Variants in NMNAT3 observed in about 807,000 individuals in gnomAD.
NMNAT3 encodes the protein nicotinamide nucleotide adenylyltransferase 3.
NMNAT3 carries 21 observed loss-of-function variants against 24.8 expected under a neutral mutation model. The observed-to-expected ratio is 0.85, with a 90% CI of 0.60 to 1.22. The LOEUF is 1.22. Among genes scored for constraint, NMNAT3 ranks in the 50% most tolerant of loss-of-function variants. NMNAT3 has a pLI of 0.00. For missense variants in NMNAT3, 387 were observed against 436.6 expected, an observed-to-expected ratio of 0.89 and a Z score of 1.01; for synonymous variants, 136 against 155.2, an observed-to-expected ratio of 0.88 and a Z score of 0.92.
intron 3 of NMNAT3, among the ~76,000 whole-genome samples, chr3:139,601,408 A>G (rs1318228146): frequency 6.6e-6 from 1 of 152,192 alleles, no homozygotes; most frequent in Non-Finnish European, 1.5e-5. Context: ...AGAATAAATA[A>G]TACCACACAC....
chr3:139,661,202 G>A (rs17495868), intron 1 of NMNAT3, among the ~76,000 whole-genome samples: 21 of 152,140 alleles, frequency 1.4e-4, no homozygotes, highest in African/African-American at 1.9e-4. Flanking sequence ...GCAACGGGGC[G>A]AACTCAGAAT....
intron 3 of NMNAT3, among the ~76,000 whole-genome samples, chr3:139,618,324 G>A (rs1012572635): frequency 4.6e-5 from 7 of 152,164 alleles, no homozygotes; most frequent in African/African-American, 1.7e-4. Flanking sequence ...CTCATAAAGA[G>A]GTGTGTTATC....
At chr3:139,578,798 A>C (rs1939704664) in intron 5 of NMNAT3, 74 bp downstream of exon 5, 3 of 1,373,548 alleles carry the variant, frequency 2.2e-6, no homozygotes, top group Non-Finnish European at 3.0e-6. Context: ...AATCTGCCCT[A>C]CCTTTTACCC....
intron 1 of NMNAT3, among the ~76,000 whole-genome samples, chr3:139,653,504 G>C (rs983522447): frequency 4.6e-5 from 7 of 152,136 alleles, no homozygotes; most frequent in African/African-American, 1.7e-4. Flanking sequence ...ATTTAATAAA[G>C]TTATTTGACT....
At chr3:139,591,670 C>A (rs924989309) in intron 3 of NMNAT3, among the ~76,000 whole-genome samples, 1 of 139,002 alleles carries the variant, frequency 7.2e-6, no homozygotes, top group Non-Finnish European at 1.6e-5. Flanking sequence ...CCCTGACCCC[C>A]GAGCAGCCTA....
chr3:139,627,678 T>A lies in NMNAT3; in HGVS notation c.47A>T (p.Asn16Ile), dbSNP rs1427087203. 1.3e-6 allele frequency: 2 copies of A among 1,596,230 alleles called. No homozygotes were observed. Among genetic ancestry groups the A allele is most frequent in the Non-Finnish European group, 1.7e-6 (2 of 1,178,558 alleles). The change falls in exon 3 of 7, where the codon AAC (asparagine) becomes ATC (isoleucine). Residue 16 changes from asparagine (N) to isoleucine (I), a missense_variant. Physicochemically the swap from Asn to Ile is moderately radical, Grantham distance 149. Coordinates refer to ENST00000643695, the MANE Select transcript of NMNAT3 (RefSeq NM_001320510.2). Reference sequence around the variant, plus strand: ...GCGCAGGTGCATGTTGGTGATGGGGTTAAAGGAGCCACAGGCCAGGAGCAC... The same window carrying A: ...GCGCAGGTGCATGTTGGTGATGGGGATAAAGGAGCCACAGGCCAGGAGCAC...
At chr3:139,625,576 C>T (rs1287647084) in intron 3 of NMNAT3, among the ~76,000 whole-genome samples, 1 of 152,110 alleles carries the variant, frequency 6.6e-6, no homozygotes, top group Non-Finnish European at 1.5e-5. Flanking sequence ...ATGTATACTT[C>T]CCTTTTACCC....
chr3:139,644,672 G>A (rs1256721352), intron 1 of NMNAT3, among the ~76,000 whole-genome samples: 1 of 152,156 alleles, frequency 6.6e-6, no homozygotes, highest in African/African-American at 2.4e-5. Context: ...AAATTAAAAT[G>A]GGACATAATT....
intron 1 of NMNAT3, among the ~76,000 whole-genome samples, chr3:139,648,744 C>G (rs767630401): frequency 1.2e-4 from 19 of 152,200 alleles, no homozygotes; most frequent in Non-Finnish European, 1.9e-4. Context: ...ACCCCACTGT[C>G]TACCAACAAG....
intron 6 of NMNAT3, among the ~76,000 whole-genome samples, chr3:139,563,861 C>A (rs454481): frequency 0.33 from 50,309 of 152,090 alleles, 10,199 homozygotes; most frequent in South Asian, 0.63. Context: ...AATACGATTT[C>A]TCCTAACAGT....
At chr3:139,670,175 C>T (rs571556142) in intron 1 of NMNAT3, among the ~76,000 whole-genome samples, 11 of 152,304 alleles carry the variant, frequency 7.2e-5, no homozygotes, top group South Asian at 2.1e-4. Context: ...CAGTTTAGTA[C>T]GCTGATAATG....
intron 1 of NMNAT3, among the ~76,000 whole-genome samples, chr3:139,655,649 A>T (rs1007944473): frequency 3.3e-5 from 5 of 152,244 alleles, no homozygotes; most frequent in African/African-American, 1.2e-4. Flanking sequence ...TTTCTAAATT[A>T]CTAAAGTGCC....
At chr3:139,572,884 A>G (rs906947198) in intron 6 of NMNAT3, among the ~76,000 whole-genome samples, 3 of 152,194 alleles carry the variant, frequency 2.0e-5, no homozygotes, top group African/African-American at 7.2e-5. Flanking sequence ...CTATTCTGGA[A>G]GCAGTGTTCC....
intron 1 of NMNAT3, among the ~76,000 whole-genome samples, chr3:139,649,831 C>A (rs1450256171): frequency 6.6e-6 from 1 of 152,178 alleles, no homozygotes; most frequent in African/African-American, 2.4e-5. Flanking sequence ...CAATTTGAAA[C>A]ACTGTTTTGG....
intron 3 of NMNAT3, among the ~76,000 whole-genome samples, chr3:139,612,184 T>C (rs936100533): frequency 8.0e-6 from 1 of 125,428 alleles, no homozygotes; most frequent in Non-Finnish European, 1.8e-5. Context: ...AAAAAAAAAA[T>C]GCATAGAGGA....
At chr3:139,600,134 T>C (rs1009325320) in intron 3 of NMNAT3, among the ~76,000 whole-genome samples, 2 of 152,214 alleles carry the variant, frequency 1.3e-5, no homozygotes, top group African/African-American at 4.8e-5. Flanking sequence ...AAAGCCCACT[T>C]TGGTCTTCAG....
chr3:139,648,986 C>T (rs189754949), intron 1 of NMNAT3, among the ~76,000 whole-genome samples: 5 of 152,220 alleles, frequency 3.3e-5, no homozygotes, highest in African/African-American at 1.2e-4. Flanking sequence ...GGGTACACAT[C>T]AAATAAGAAG....
chr3:139,676,105 A>G (rs2057920593), intron 1 of NMNAT3, among the ~76,000 whole-genome samples: 1 of 152,158 alleles, frequency 6.6e-6, no homozygotes, highest in African/African-American at 2.4e-5. Context: ...CTTCCCTCCA[A>G]CACCCTCTGT....
In NMNAT3 at chr3:139,622,768, TATC is replaced by T. The variant is rs1265567634; in HGVS notation, c.109+4845_109+4847del. 2.3e-3 allele frequency among the ~76,000 whole-genome samples: 331 copies of T among 142,882 alleles called. 1 individual carries two copies. Among genetic ancestry groups the T allele is most frequent in the African/African-American group, 7.8e-3 (304 of 38,948 alleles). 93.7% of individuals were successfully genotyped at this position (142,882 alleles called of 152,430 possible). A position where few individuals can be genotyped will look rare whatever the true frequency, so the allele number is the denominator to read the frequency against. On this transcript the variant is annotated intron_variant, in intron 3 of 6. Transcript: ENST00000643695. ...AGTGTGTGTGTATATATATCATATA[TATC>T]ATATATATGATATATATATGATATA...
Sources: allele counts gnomAD v4.1 joint callset (sites outside exome capture counted in the v4.1 genomes callset), GRCh38; gene constraint gnomAD v4.1.1; transcripts MANE v1.5; gene names NCBI Gene and HGNC (gene_info 2026-07-23, HGNC 2026-07-21).